MRPS6: variants seen among roughly 807,000 people sequenced by gnomAD.
The protein encoded by MRPS6 is small ribosomal subunit protein bS6m.
Under a neutral mutation model 13.1 loss-of-function variants are expected in MRPS6, and 6 were observed. The ratio of observed to expected loss-of-function variants is 0.46; its 90% confidence interval spans 0.25 to 0.91. The LOEUF is 0.91. MRPS6 is among the 40% of genes least tolerant of loss of function. MRPS6 has a pLI of 0.18. For synonymous variants in MRPS6, 61 were observed against 56.5 expected (o/e 1.08, Z -0.36); for missense variants, 164 against 155.6 (o/e 1.05, Z -0.29).
chr21:34,113,322 C>G (rs187928847), intron 1 of MRPS6, among the ~76,000 whole-genome samples: 2 of 152,146 alleles, frequency 1.3e-5, no homozygotes, highest in Non-Finnish European at 2.9e-5. Flanking sequence ...TGTGGATCAA[C>G]CTAAGTGTCC....
chr21:34,095,708 T>C (rs1978932997), intron 1 of MRPS6: 3 of 1,613,840 alleles, frequency 1.9e-6, no homozygotes, highest in Non-Finnish European at 8.5e-7. Flanking sequence ...GCATGACTGC[T>C]TTGCTGACTG....
At chr21:34,125,591 C>G (rs1980275824) in intron 2 of MRPS6, 111 bp downstream of exon 2, 1 of 1,479,180 alleles carries the variant, frequency 6.8e-7, no homozygotes, top group African/African-American at 1.4e-5. Context: ...CCTGTTGCGC[C>G]TAGGTGTCCT....
chr21:34,124,726 C>T (rs188970661), intron 1 of MRPS6: 3 of 152,170 alleles, frequency 2.0e-5, no homozygotes, highest in African/African-American at 7.2e-5. Context: ...TTTCGTGAGC[C>T]CTCTGGTCTC....
chr21:34,125,308 T>G, intron 1 of MRPS6, 33 bp from the exon 2 acceptor site: 1 of 1,603,752 alleles, frequency 6.2e-7, no homozygotes, highest in Non-Finnish European at 8.5e-7. Flanking sequence ...TGATGCTTTT[T>G]TTTCTTTTCT....
chr21:34,133,433 G>A (rs1980575289), intron 2 of MRPS6, among the ~76,000 whole-genome samples: 2 of 152,222 alleles, frequency 1.3e-5, no homozygotes, highest in African/African-American at 2.4e-5. Flanking sequence ...AACATGTTGA[G>A]ACTCCTAGGC....
intron 1 of MRPS6, among the ~76,000 whole-genome samples, chr21:34,074,256 C>A (rs578172524): frequency 6.6e-6 from 1 of 151,992 alleles, no homozygotes; most frequent in South Asian, 2.1e-4. Context: ...AACGTCCGCG[C>A]CCAATAAAGC....
In MRPS6 at chr21:34,135,801, G is replaced by A. The variant is rs1354091543; in HGVS notation, c.186-6607G>A. On this transcript the variant is annotated intron_variant, in intron 2 of 2. Coordinates refer to ENST00000399312, the MANE Select transcript of MRPS6 (RefSeq NM_032476.4). ...TGCGCACAGTCATGAGCTTCTTGCT[G>A]TTGTTGTGGCCATGCATTATCATGG... 6 of 528,618 alleles carry A rather than the reference G, an allele frequency of 1.1e-5. No individual in the cohort carries two copies. In the Admixed American group the frequency reaches 1.3e-4, roughly 12 times the overall value. 32.7% of individuals were successfully genotyped at this position (528,618 alleles called of 1,614,324 possible).
chr21:34,131,236 G>A (rs1164753211), intron 2 of MRPS6, among the ~76,000 whole-genome samples: 1 of 152,234 alleles, frequency 6.6e-6, no homozygotes, highest in East Asian at 1.9e-4. Flanking sequence ...TTTGTGCCTT[G>A]AGTGAGGAGT....
chr21:34,097,126 A>C lies in MRPS6; in HGVS notation c.45+23381A>C, dbSNP rs746408033. 7.7e-5 allele frequency: 125 copies of C among 1,613,930 alleles called. No homozygotes were observed. Among genetic ancestry groups the C allele is most frequent in the Non-Finnish European group, 9.7e-5 (114 of 1,179,956 alleles). ...CAAGCAGCTCTCATGGGTGAGAAAG[A>C]GAGAAAGAAAGAAACGGATGATGGA... is the stretch of plus-strand genomic sequence containing the variant. On this transcript the variant is annotated intron_variant, in intron 1 of 2. Coordinates refer to ENST00000399312, the MANE Select transcript of MRPS6 (RefSeq NM_032476.4).
At chr21:34,097,844 A>T in intron 1 of MRPS6, 1 of 996,662 alleles carries the variant, frequency 1.0e-6, no homozygotes, top group Non-Finnish European at 1.2e-6. Context: ...TGCTTGTGTG[A>T]TACTTGTTTC....
intron 1 of MRPS6, among the ~76,000 whole-genome samples, chr21:34,080,743 A>G (rs1301069552): frequency 6.6e-6 from 1 of 152,194 alleles, no homozygotes; most frequent in Non-Finnish European, 1.5e-5. Flanking sequence ...TGAGTCTTTC[A>G]TGTTTGTTCT....
At chr21:34,078,959 A>G (rs1989396601) in intron 1 of MRPS6, among the ~76,000 whole-genome samples, 1 of 152,244 alleles carries the variant, frequency 6.6e-6, no homozygotes, top group South Asian at 2.1e-4. Flanking sequence ...CTCTTAGGGG[A>G]ATCCTTACTT....
intron 1 of MRPS6, among the ~76,000 whole-genome samples, chr21:34,086,517 TTG>T (rs34988334): frequency 0.73 from 108,651 of 148,224 alleles, 40,330 homozygotes; most frequent in East Asian, 0.88. Flanking sequence ...TAGTTTGTGT[TTG>T]TGTGTGTGTG....
intron 1 of MRPS6, among the ~76,000 whole-genome samples, chr21:34,086,996 G>C (rs932735639): frequency 6.6e-6 from 1 of 152,194 alleles, no homozygotes; most frequent in African/African-American, 2.4e-5. Context: ...ACACTAAGAG[G>C]TGGATGTCGA....
At chr21:34,130,988 C>G (rs1039288605) in intron 2 of MRPS6, among the ~76,000 whole-genome samples, 3 of 152,220 alleles carry the variant, frequency 2.0e-5, no homozygotes, top group African/African-American at 7.2e-5. Context: ...TGGACCCTGG[C>G]TACCTGGTAG....
chr21:34,087,645 G>A (rs2148656144), intron 1 of MRPS6, among the ~76,000 whole-genome samples: 1 of 152,358 alleles, frequency 6.6e-6, no homozygotes, highest in South Asian at 2.1e-4. Context: ...GACAGGTCTT[G>A]TGGAAACCTG....
intron 1 of MRPS6, chr21:34,095,129 G>A (rs1978903927): frequency 2.0e-6 from 3 of 1,537,282 alleles, no homozygotes; most frequent in Non-Finnish European, 2.6e-6. Flanking sequence ...GACTTGGCTG[G>A]GGTTACTAAA....
At chr21:34,075,567 G>GA (rs1486351201) in intron 1 of MRPS6, among the ~76,000 whole-genome samples, 1 of 152,166 alleles carries the variant, frequency 6.6e-6, no homozygotes. Flanking sequence ...AAAAGCCCTA[G>GA]AAAGTAGATA....
At chr21:34,114,716 T>C (rs1443053336) in intron 1 of MRPS6, among the ~76,000 whole-genome samples, 37 of 152,216 alleles carry the variant, frequency 2.4e-4, no homozygotes, top group Admixed American at 2.4e-3. Flanking sequence ...GAATGACATC[T>C]GAATGATATT....
Sources: allele counts gnomAD v4.1 joint callset (sites outside exome capture counted in the v4.1 genomes callset), GRCh38; gene constraint gnomAD v4.1.1; transcripts MANE v1.5; gene names NCBI Gene and HGNC (gene_info 2026-07-23, HGNC 2026-07-21).